The following HHIPL1 variants were observed in gnomAD, a reference collection of about 807,000 sequenced individuals.
The protein encoded by HHIPL1 is HHIP-like protein 1.
Under a neutral mutation model 61.8 loss-of-function variants are expected in HHIPL1, and 43 were observed. That is an observed-to-expected ratio of 0.70 (90% CI 0.55 to 0.90). HHIPL1 has a LOEUF of 0.90. Ranked by LOEUF, HHIPL1 falls within the 40% of genes least tolerant of loss-of-function variation. HHIPL1 has a pLI of 0.00. For missense variants in HHIPL1, 1,056 were observed against 1,157.7 expected (o/e 0.91, Z 1.28); for synonymous variants, 482 against 515.8 (o/e 0.93, Z 0.89).
At chr14:99,661,134 C>G (rs550768093) in intron 5 of HHIPL1, among the ~76,000 whole-genome samples, 2 of 8,640 alleles carry the variant, frequency 2.3e-4, no homozygotes, top group Admixed American at 5.0e-3. Flanking sequence ...TATGGAGCCT[C>G]GTGACCACCT....
the HHIPL1 span, among the ~76,000 whole-genome samples, chr14:99,621,709 CTTTTTTTTT>C: frequency 5.9e-5 from 5 of 84,532 alleles, no homozygotes; most frequent in African/African-American, 9.2e-5. Flanking sequence ...CTTTTCTTTT[CTTTTTTTTT>C]TTTTTTTTTT....
the HHIPL1 span, among the ~76,000 whole-genome samples, chr14:99,633,786 A>T: frequency 6.6e-6 from 1 of 152,178 alleles, no homozygotes; most frequent in African/African-American, 2.4e-5. Flanking sequence ...GTAACATGGC[A>T]GCCTGTTTTC....
At chr14:99,627,857 C>T in the HHIPL1 span, among the ~76,000 whole-genome samples, 1 of 151,940 alleles carries the variant, frequency 6.6e-6, no homozygotes, top group African/African-American at 2.4e-5. The surrounding 1 kb of genome is among the most constrained non-coding windows in gnomAD (Gnocchi z 4.4). Flanking sequence ...GACAAGTGGA[C>T]AGAGCAGAGT....
chr14:99,616,544 A>G, the HHIPL1 span, among the ~76,000 whole-genome samples: 4 of 152,212 alleles, frequency 2.6e-5, no homozygotes, highest in Non-Finnish European at 4.4e-5. Flanking sequence ...GTCAATAAAG[A>G]ACAGTACAAG....
In HHIPL1 at chr14:99,668,394, G is replaced by A; in HGVS notation, c.1730+91G>A. The A allele has an allele frequency of 1.3e-6, 1 of 794,740 alleles. No homozygotes were observed. Among genetic ancestry groups the A allele is most frequent in the Non-Finnish European group, 2.2e-6 (1 of 452,190 alleles). 49.2% of individuals were successfully genotyped at this position (794,740 alleles called of 1,614,324 possible). Reference sequence around the variant, plus strand: ...GTCCCCTCCGCCTCGCCCTCAGGTGGGTGGTATTAATCCCCATTTTCAGAC... The same window carrying A: ...GTCCCCTCCGCCTCGCCCTCAGGTGAGTGGTATTAATCCCCATTTTCAGAC... On this transcript the variant is annotated intron_variant, in intron 7 of 8. Transcript: ENST00000330710. The surrounding 1 kb of genome is among the most constrained non-coding windows in gnomAD (Gnocchi z 4.7).
Position 99,677,816 on chromosome 14 carries a change from C to T in HHIPL1, c.*2190C>T, listed in dbSNP as rs1378086517. On this transcript the variant is annotated 3_prime_UTR_variant, in exon 9 of 9. Coordinates refer to ENST00000330710, the MANE Select transcript of HHIPL1 (RefSeq NM_001127258.3). This position sits in a 1 kb window ranked among gnomAD's most constrained non-coding sequence, Gnocchi z 4.3. ...CCAGTACTTCTCTGGGCAGTTCGGG[C>T]TTTGGCCTTCAGTCTTCCAGGCCAG... is the stretch of plus-strand genomic sequence containing the variant. 1 of 152,186 alleles carries T rather than the reference C, an allele frequency of 6.6e-6. No individual in the cohort carries two copies. Among genetic ancestry groups the T allele is most frequent in the Non-Finnish European group, 1.5e-5 (1 of 68,092 alleles). 9.4% of individuals were successfully genotyped at this position (152,186 alleles called of 1,614,324 possible).
rs370684067 is a variant in HHIPL1 at position 99,662,786 on chromosome 14, C to CATGG, written c.1503-67_1503-64dup. On this transcript the variant is annotated intron_variant, in intron 5 of 8. Coordinates refer to ENST00000330710, the MANE Select transcript of HHIPL1 (RefSeq NM_001127258.3). ...GGAAGAAGGGAGGGAGGAATGGATA[C>CATGG]ATGGATGGATGGATGGATGGATGGA... 4.2e-4 allele frequency: 513 copies of CATGG among 1,213,238 alleles called. 1 individual carries two copies. The East Asian group carries it at 6.5e-3, about 15-fold the overall frequency. 75.2% of individuals were successfully genotyped at this position (1,213,238 alleles called of 1,614,324 possible).
chr14:99,615,327 G>A, the HHIPL1 span, among the ~76,000 whole-genome samples: 1 of 152,102 alleles, frequency 6.6e-6, no homozygotes, highest in African/African-American at 2.4e-5. Context: ...CTCCCAGATT[G>A]CTTGAGCCCA....
chr14:99,664,659 C>G (rs1409598274), intron 6 of HHIPL1, among the ~76,000 whole-genome samples: 1 of 152,168 alleles, frequency 6.6e-6, no homozygotes, highest in Non-Finnish European at 1.5e-5. Flanking sequence ...CCAACACTTG[C>G]AAATTACAAA....
rs759273355 is a variant in HHIPL1 at position 99,652,645 on chromosome 14, C to T, written c.677C>T (p.Ser226Leu). The change falls in exon 2 of 9, where the codon TCG (serine) becomes TTG (leucine). Residue 226 changes from serine to leucine, a missense_variant. Ser to Leu is a moderately radical substitution (Grantham distance 145). Transcript: ENST00000330710. ...GLVWAYLPDRSRLGKPFLNIS... is the reference protein window; with the variant it reads ...GLVWAYLPDRLRLGKPFLNIS... The stretch of plus-strand genomic sequence containing the variant: ...GTGTGGGCCTACCTGCCCGACCGCT[C>T]GAGGCTGGGGAAGCCTTTCCTGAAC... 38 of 1,613,426 alleles carry T rather than the reference C, an allele frequency of 2.4e-5. No homozygotes were observed. Among genetic ancestry groups the T allele is most frequent in the East Asian group, 4.5e-5 (2 of 44,886 alleles).
chr14:99,646,813 ATATGATATG>A (rs1566804771), intron 1 of HHIPL1, among the ~76,000 whole-genome samples: 122 of 81,816 alleles, frequency 1.5e-3, no homozygotes, highest in African/African-American at 3.8e-3. Flanking sequence ...ATATGATATG[ATATGATATG>A]ATATGATATG....
chr14:99,622,874 A>G, the HHIPL1 span, among the ~76,000 whole-genome samples: 1 of 152,250 alleles, frequency 6.6e-6, no homozygotes, highest in South Asian at 2.1e-4. Context: ...ACAGGCCAAG[A>G]GCATAAAGCA....
upstream of HHIPL1, among the ~76,000 whole-genome samples, chr14:99,642,651 A>G (rs890578618): frequency 6.6e-6 from 1 of 150,632 alleles, no homozygotes; most frequent in Non-Finnish European, 1.5e-5. Flanking sequence ...TCGGCCTCCC[A>G]AGTAGCTGGG....
At chr14:99,626,253 T>G in the HHIPL1 span, among the ~76,000 whole-genome samples, 11 of 151,778 alleles carry the variant, frequency 7.2e-5, no homozygotes, top group African/African-American at 2.7e-4. Flanking sequence ...TACAGGTGTG[T>G]GTGGGTGTAG....
Position 99,662,918 on chromosome 14 carries a change from G to T in HHIPL1, c.1545G>T (p.Trp515Cys), listed in dbSNP as rs539892303. 1.2e-6 allele frequency: 2 copies of T among 1,613,524 alleles called. No homozygotes were observed. The highest frequency in any genetic ancestry group is 1.1e-5 in the South Asian group (1 of 90,944). ...AAGAGAACCCAGGGACAGGCCAGTGGCAGTACAGTGAGATCTGCATGGGCC... is the reference window on the plus strand; with the variant it reads ...AAGAGAACCCAGGGACAGGCCAGTGTCAGTACAGTGAGATCTGCATGGGCC... The part of the protein sequence containing the change: ...SLQENPGTGQ[W>C]QYSEICMGHG... Residue 515 changes from tryptophan (W) to cysteine (C), a missense_variant, in exon 6 of 9, where the codon TGG becomes TGT. By Grantham distance (215) the Trp-to-Cys change is radical. Transcript: ENST00000330710.
chr14:99,652,791 C>T lies in HHIPL1; in HGVS notation c.823C>T (p.Arg275Cys), dbSNP rs1344617006. The T allele has an allele frequency of 5.6e-6, 9 of 1,613,946 alleles. No homozygotes were observed. Among genetic ancestry groups the T allele is most frequent in the East Asian group, 2.2e-5 (1 of 44,890 alleles). The part of the protein sequence containing the change: ...RLYVYYSVGI[R>C]SSEWIRISEF... Reference sequence around the variant, plus strand: ...CTACGTCTACTACTCAGTGGGTATCCGCAGCAGTGAGTGGATCCGCATCAG... The same window carrying T: ...CTACGTCTACTACTCAGTGGGTATCTGCAGCAGTGAGTGGATCCGCATCAG... The change falls in exon 2 of 9, where the codon CGC becomes TGC. Residue 275 changes from arginine to cysteine, a missense_variant. Coordinates refer to ENST00000330710, the MANE Select transcript of HHIPL1 (RefSeq NM_001127258.3).
chr14:99,614,514 G>A, the HHIPL1 span, among the ~76,000 whole-genome samples: 3 of 152,156 alleles, frequency 2.0e-5, no homozygotes, highest in Non-Finnish European at 2.9e-5. Flanking sequence ...TAGAATCACC[G>A]GAAAGCATGT....
At chr14:99,607,880 T>G in the HHIPL1 span, among the ~76,000 whole-genome samples, 1 of 152,150 alleles carries the variant, frequency 6.6e-6, no homozygotes, top group East Asian at 1.9e-4. Flanking sequence ...AGGAAATCTA[T>G]GAGTATATAT....
In HHIPL1 at chr14:99,668,426, C is replaced by A. The variant is rs2056282241; in HGVS notation, c.1730+123C>A. Reference sequence around the variant, plus strand: ...TTAATCCCCATTTTCAGACAAGAACCCTGAGGCCCAGAGAGGGACGTGATT... The same window carrying A: ...TTAATCCCCATTTTCAGACAAGAACACTGAGGCCCAGAGAGGGACGTGATT... On this transcript the variant is annotated intron_variant, in intron 7 of 8. Coordinates refer to ENST00000330710, the MANE Select transcript of HHIPL1 (RefSeq NM_001127258.3). This position sits in a 1 kb window ranked among gnomAD's most constrained non-coding sequence, Gnocchi z 4.7. 1.5e-6 allele frequency: 1 copy of A among 672,808 alleles called. No homozygotes were observed. The highest frequency in any genetic ancestry group is 1.7e-5 in the South Asian group (1 of 60,542). The allele number at this position is 672,808 out of a possible 1,614,324, so 41.7% of individuals were successfully genotyped here. A position where few individuals can be genotyped will look rare whatever the true frequency, so the allele number is the denominator to read the frequency against.
Sources: allele counts gnomAD v4.1 joint callset (sites outside exome capture counted in the v4.1 genomes callset), GRCh38; gene constraint gnomAD v4.1.1; non-coding constraint Gnocchi (gnomAD v3.1); transcripts MANE v1.5; gene names NCBI Gene and HGNC (gene_info 2026-07-23, HGNC 2026-07-21).